The following CEP295NL variants were observed in gnomAD, a reference collection of about 807,000 sequenced individuals.
The protein encoded by CEP295NL is CEP295 N-terminal like.
A neutral mutation model predicts 4.6 loss-of-function variants in CEP295NL; 3 were observed. That is an observed-to-expected ratio of 0.65 (90% CI 0.30 to 1.69). The LOEUF is 1.69. Among genes scored for constraint, CEP295NL ranks in the 40% most tolerant of loss-of-function variants. The probability of loss-of-function intolerance (pLI) is 0.10; values close to 1 mark genes in which losing one functional copy is unlikely to be tolerated. For missense variants in CEP295NL, 719 were observed against 769.0 expected (o/e 0.93, Z 0.77); for synonymous variants, 295 against 312.2 (o/e 0.94, Z 0.58).
chr17:78,893,320 T>G, intron 2 of CEP295NL, among the ~76,000 whole-genome samples: 1 of 124,810 alleles, frequency 8.0e-6, no homozygotes, highest in Admixed American at 8.0e-5. Context: ...TGTGCAAGGG[T>G]GTGTGTGTCT....
Position 78,896,901 on chromosome 17 carries a change from A to G in CEP295NL, c.45-4442T>C. 1.0e-6 allele frequency: 1 copy of G among 984,928 alleles called. No individual in the cohort carries two copies. Among genetic ancestry groups the G allele is most frequent in the African/African-American group, 1.7e-5 (1 of 57,316 alleles). 61.0% of individuals were successfully genotyped at this position (984,928 alleles called of 1,614,324 possible). On this transcript the variant is annotated intron_variant, in intron 2 of 2. Transcript: ENST00000322630. This position sits in a 1 kb window ranked among gnomAD's most constrained non-coding sequence, Gnocchi z 4.4. The stretch of plus-strand genomic sequence containing the variant: ...CGATCCGATCCCAGCACCTGGGCCC[A>G]GGAATGTGCTTGGCCACCAGATTCC...
intron 2 of CEP295NL, 116 bp downstream of exon 2, chr17:78,901,669 T>G (rs2145784979): frequency 1.4e-6 from 1 of 712,190 alleles, no homozygotes; most frequent in East Asian, 2.7e-5. Context: ...TCTGGGTGCC[T>G]CAGTTTGCTC....
chr17:78,891,206 T>C lies in CEP295NL; in HGVS notation c.1298A>G (p.Gln433Arg). The C allele has an allele frequency of 6.4e-7, 1 of 1,550,720 alleles. No individual in the cohort carries two copies. The highest frequency in any genetic ancestry group is 8.7e-7 in the Non-Finnish European group (1 of 1,147,024). The change falls in exon 3 of 3, where the codon CAA becomes CGA. Residue 433 changes from glutamine (Q) to arginine (R), a missense_variant. By Grantham distance (43) the Gln-to-Arg change is conservative (BLOSUM62 1). Coordinates refer to ENST00000322630, the MANE Select transcript of CEP295NL (RefSeq NM_001243540.2). This position sits in a 1 kb window ranked among gnomAD's most constrained non-coding sequence, Gnocchi z 4.5. ...LKTFMGKAQN[Q>R]KYQGTVKPTF... is the part of the protein sequence containing the mutation. ...GGGCTTGACCGTGCCCTGATATTTT[T>C]GGTTCTGGGCCTTGCCCATGAACGT... is the stretch of plus-strand genomic sequence containing the variant.
intron 2 of CEP295NL, among the ~76,000 whole-genome samples, chr17:78,894,531 C>T (rs987020658): frequency 1.3e-5 from 2 of 151,994 alleles, no homozygotes; most frequent in African/African-American, 2.4e-5. Flanking sequence ...AAAGGTGCCA[C>T]GGCAATTTAA....
rs1317672673 is a variant in CEP295NL, at chr17:78,891,266, T to G, written c.1238A>C (p.Glu413Ala). 1.3e-6 allele frequency: 2 copies of G among 1,550,642 alleles called. No homozygotes were observed. Among genetic ancestry groups the G allele is most frequent in the Non-Finnish European group, 1.7e-6 (2 of 1,147,006 alleles). Residue 413 changes from glutamate (E) to alanine (A), a missense_variant, in exon 3 of 3, where the codon GAG becomes GCG. Coordinates refer to ENST00000322630, the MANE Select transcript of CEP295NL (RefSeq NM_001243540.2). This position sits in a 1 kb window ranked among gnomAD's most constrained non-coding sequence, Gnocchi z 4.5. The part of the protein sequence containing the change: ...AGEPRSPAEE[E>A]AQQAASKTDL... ...GGTCTTGGACGCTGCCTGCTGCGCC[T>G]CCTCCTCTGCTGGGCTCCTGGGTTC... is the stretch of plus-strand genomic sequence containing the variant.
intron 2 of CEP295NL, chr17:78,901,120 G>A (rs1568004336): frequency 6.5e-6 from 1 of 152,714 alleles, no homozygotes; most frequent in African/African-American, 2.4e-5. Context: ...GCCGAGAACA[G>A]AGTCTGGCTT....
At chr17:78,901,467 A>G (rs543079983) in intron 2 of CEP295NL, among the ~76,000 whole-genome samples, 1 of 152,238 alleles carries the variant, frequency 6.6e-6, no homozygotes, top group African/African-American at 2.4e-5. Flanking sequence ...GACGGGGAGA[A>G]GAGGCCGCAG....
In CEP295NL at chr17:78,901,785, T is replaced by C; in HGVS notation, c.44A>G (p.Gln15Arg). The change falls in exon 2 of 3, where the codon CAG becomes CGG. Residue 15 changes from glutamine to arginine, a missense_variant and splice_region_variant. Gln to Arg is a conservative substitution (Grantham distance 43). Coordinates refer to ENST00000322630, the MANE Select transcript of CEP295NL (RefSeq NM_001243540.2). ...WSSSVIWRHT[Q>R]FAVERCGFCG... The stretch of plus-strand genomic sequence containing the variant: ...CTTGGGGAAGAGGGGTGGTACTTAC[T>C]GTGTGTGTCTCCAGATGACTGAGCT... The C allele has an allele frequency of 1.4e-6, 1 of 717,052 alleles. No individual in the cohort carries two copies. Among genetic ancestry groups the C allele is most frequent in the Non-Finnish European group, 2.6e-6 (1 of 384,982 alleles). 44.4% of individuals were successfully genotyped at this position (717,052 alleles called of 1,614,324 possible).
At chr17:78,901,327 CA>C (rs2070089532) in intron 2 of CEP295NL, 1 of 160,878 alleles carries the variant, frequency 6.2e-6, no homozygotes, top group Admixed American at 5.9e-5. Flanking sequence ...ATGAAATGAT[CA>C]GGAATAAACC....
At chr17:78,893,476 GGTGTGTGTGCAGGGGT>G (rs1409304990) in intron 2 of CEP295NL, among the ~76,000 whole-genome samples, 2 of 143,394 alleles carry the variant, frequency 1.4e-5, no homozygotes, top group Non-Finnish European at 3.1e-5. Context: ...TGTGCATAGC[GGTGTGTGTGCAGGGGT>G]GTGTGCGCGC....
chr17:78,893,185 AG>A (rs891177136), intron 2 of CEP295NL, among the ~76,000 whole-genome samples: 3 of 103,906 alleles, frequency 2.9e-5, no homozygotes, highest in African/African-American at 1.3e-4. Flanking sequence ...ATGTGTGTGC[AG>A]GGGTGTGTGC....
intron 2 of CEP295NL, among the ~76,000 whole-genome samples, chr17:78,895,945 G>A (rs886946823): frequency 3.9e-5 from 6 of 152,226 alleles, no homozygotes; most frequent in East Asian, 1.9e-4. Context: ...CCCCCAGCCC[G>A]TTCAATGACC....
chr17:78,895,870 G>C (rs1024633220), intron 2 of CEP295NL, among the ~76,000 whole-genome samples: 1 of 152,152 alleles, frequency 6.6e-6, no homozygotes, highest in Non-Finnish European at 1.5e-5. Context: ...AAGAGCCGTT[G>C]GCTCACACCC....
chr17:78,900,150 T>G (rs2145782779), intron 2 of CEP295NL: 1 of 152,326 alleles, frequency 6.6e-6, no homozygotes, highest in South Asian at 2.1e-4. Flanking sequence ...GACCCCAGAA[T>G]GCAATTTGGG....
rs1324224239 is a variant in CEP295NL at position 78,901,771 on chromosome 17, G to A, written c.44+14C>T. 1.4e-6 allele frequency: 1 copy of A among 717,270 alleles called. No homozygotes were observed. The highest frequency in any genetic ancestry group is 2.7e-5 in the East Asian group (1 of 37,270). 44.4% of individuals were successfully genotyped at this position (717,270 alleles called of 1,614,324 possible). A position where few individuals can be genotyped will look rare whatever the true frequency, so the allele number is the denominator to read the frequency against. ...AAGCACCTGAAATGCTTGGGGAAGA[G>A]GGGTGGTACTTACTGTGTGTGTCTC... On this transcript the variant is annotated intron_variant, in intron 2 of 2. Coordinates refer to ENST00000322630, the MANE Select transcript of CEP295NL (RefSeq NM_001243540.2).
intron 2 of CEP295NL, chr17:78,901,074 A>AC (rs1353703945): frequency 2.6e-5 from 4 of 152,620 alleles, no homozygotes; most frequent in African/African-American, 9.6e-5. Flanking sequence ...ACCCTGCAGG[A>AC]CGCCACAGCA....
chr17:78,893,566 C>G (rs1374017859), intron 2 of CEP295NL, among the ~76,000 whole-genome samples: 2 of 151,292 alleles, frequency 1.3e-5, no homozygotes, highest in African/African-American at 4.9e-5. Flanking sequence ...TCTGTGTGTA[C>G]AGGGGGGTGT....
Position 78,890,810 on chromosome 17 carries a change from C to G in CEP295NL, c.1694G>C (p.Arg565Thr). ...GGAAGTGGTGCTGAGCTCAGATCCT[C>G]TCTCCCTTTCCTGGGCTCTCGTGGA... ...SSSTRAQERE[R>T]GSELSTTSPS... The change falls in exon 3 of 3, where the codon AGA becomes ACA. Residue 565 changes from arginine to threonine, a missense_variant. Physicochemically the swap from Arg to Thr is moderately conservative, Grantham distance 71. Coordinates refer to ENST00000322630, the MANE Select transcript of CEP295NL (RefSeq NM_001243540.2). 6.4e-7 allele frequency: 1 copy of G among 1,550,650 alleles called. No individual in the cohort carries two copies. Among genetic ancestry groups the G allele is most frequent in the Non-Finnish European group, 8.7e-7 (1 of 1,147,014 alleles).
rs1028234248 is a variant in CEP295NL at position 78,896,676 on chromosome 17, C to T, written c.45-4217G>A. Among the ~76,000 whole-genome samples, 2 of 152,156 alleles carry T rather than the reference C, an allele frequency of 1.3e-5. No individual in the cohort carries two copies. Among genetic ancestry groups the T allele is most frequent in the Non-Finnish European group, 2.9e-5 (2 of 68,024 alleles). On this transcript the variant is annotated intron_variant, in intron 2 of 2. Transcript: ENST00000322630. The surrounding 1 kb of genome is among the most constrained non-coding windows in gnomAD (Gnocchi z 4.4). Reference sequence around the variant, plus strand: ...CTTCTGCTGGCTGCCTTCAACCACTCAGAGAAACCACAGCTCCCCCCTCCG... The same window carrying T: ...CTTCTGCTGGCTGCCTTCAACCACTTAGAGAAACCACAGCTCCCCCCTCCG...
Sources: gnomAD v4.1 joint callset for allele counts (sites outside exome capture counted in the v4.1 genomes callset) on GRCh38, gnomAD v4.1.1 for gene constraint, Gnocchi (gnomAD v3.1) non-coding constraint, MANE v1.5 for transcripts, NCBI Gene and HGNC (gene_info 2026-07-23, HGNC 2026-07-21) for gene names.